The following CD8B2 variants were observed in gnomAD, a reference collection of about 807,000 sequenced individuals.
CD8B2 encodes T-cell surface glycoprotein CD8 beta-2 chain.
In CD8B2, 11 loss-of-function variants were observed where a neutral mutation model predicts 23.7. That is an observed-to-expected ratio of 0.46 (90% CI 0.29 to 0.77). CD8B2 has a LOEUF of 0.77. Ranked by LOEUF, CD8B2 falls within the 30% of genes least tolerant of loss-of-function variation. The probability of loss-of-function intolerance (pLI) is 0.09; values close to 1 mark genes in which losing one functional copy is unlikely to be tolerated. For synonymous variants in CD8B2, 90 were observed against 109.3 expected (o/e 0.82, Z 1.10); for missense variants, 197 against 270.5 (o/e 0.73, Z 1.91).
rs146896601 is a variant in CD8B2 at position 106,517,488 on chromosome 2, T to TG, written c.620+13164dup. ...CTCTCGGTTGCCTGTGGCATCTCAC[T>TG]GTCTCAGGTCACCAGACGGGAAATT... On this transcript the variant is annotated intron_variant, in intron 5 of 5. Transcript: ENST00000416057. 4.3e-3 allele frequency among the ~76,000 whole-genome samples: 656 copies of TG among 152,220 alleles called. 4 individuals carry two copies. Among genetic ancestry groups the TG allele is most frequent in the African/African-American group, 0.015 (613 of 41,530 alleles).
intron 5 of CD8B2, among the ~76,000 whole-genome samples, chr2:106,541,434 A>G (rs1419451855): frequency 6.6e-6 from 1 of 152,164 alleles, no homozygotes; most frequent in Non-Finnish European, 1.5e-5. Context: ...GTCCAGGCAC[A>G]TTATTGGCTG....
At chr2:106,495,392 C>G (rs545155241) in intron 2 of CD8B2, among the ~76,000 whole-genome samples, 3 of 151,956 alleles carry the variant, frequency 2.0e-5, no homozygotes, top group Non-Finnish European at 4.4e-5. Flanking sequence ...TGCAGTGGCA[C>G]GACGAATGCA....
At chr2:106,516,678 G>T (rs1414401781) in intron 5 of CD8B2, among the ~76,000 whole-genome samples, 3 of 152,044 alleles carry the variant, frequency 2.0e-5, no homozygotes, top group African/African-American at 7.2e-5. Context: ...TCTTTCGTAA[G>T]CCTTTGCTTT....
intron 5 of CD8B2, among the ~76,000 whole-genome samples, chr2:106,525,034 T>C (rs888439362): frequency 6.6e-6 from 1 of 152,212 alleles, no homozygotes; most frequent in African/African-American, 2.4e-5. Flanking sequence ...ACATGGGTCA[T>C]GCACAGGGCT....
chr2:106,502,809 C>T (rs1219940709), intron 4 of CD8B2, among the ~76,000 whole-genome samples: 1 of 151,822 alleles, frequency 6.6e-6, no homozygotes, highest in African/African-American at 2.4e-5. Context: ...GATCCAGTGC[C>T]CCGGTCTCTC....
At chr2:106,540,202 A>G (rs976915764) in intron 5 of CD8B2, among the ~76,000 whole-genome samples, 1 of 129,640 alleles carries the variant, frequency 7.7e-6, no homozygotes, top group Non-Finnish European at 1.6e-5. Context: ...TAAAAAAAAT[A>G]TCCAAGTATT....
At chr2:106,503,289 A>G (rs1006422293) in intron 4 of CD8B2, among the ~76,000 whole-genome samples, 3 of 152,180 alleles carry the variant, frequency 2.0e-5, no homozygotes, top group African/African-American at 7.2e-5. Flanking sequence ...CAGGTGGGAC[A>G]GCAAGGGCAT....
rs564411859 is a variant in CD8B2, at chr2:106,519,205, C to T, written c.620+14880C>T. On this transcript the variant is annotated intron_variant, in intron 5 of 5. Transcript: ENST00000416057. ...GTGACCTGATTGCTGGACTCCTCCT[C>T]AAAGGTTATCCCAGGCATTTCTGAA... Among the ~76,000 whole-genome samples, 5 of 152,314 alleles carry T rather than the reference C, an allele frequency of 3.3e-5. No individual in the cohort carries two copies. The South Asian group carries it at 1.0e-3, about 32-fold the overall frequency.
At chr2:106,529,950 A>G (rs904977630) in intron 5 of CD8B2, among the ~76,000 whole-genome samples, 2 of 152,198 alleles carry the variant, frequency 1.3e-5, no homozygotes, top group African/African-American at 4.8e-5. Context: ...GCAAAACCAC[A>G]TAAGTGGGAC....
intron 5 of CD8B2, among the ~76,000 whole-genome samples, chr2:106,520,276 G>T (rs546967598): frequency 6.6e-6 from 1 of 152,310 alleles, no homozygotes; most frequent in East Asian, 1.9e-4. Context: ...AAAACATGAG[G>T]AAACAAAGGA....
At chr2:106,536,514 G>C (rs906993232) in intron 5 of CD8B2, among the ~76,000 whole-genome samples, 1 of 152,186 alleles carries the variant, frequency 6.6e-6, no homozygotes, top group African/African-American at 2.4e-5. Flanking sequence ...TTAGATATAG[G>C]TTGGTGGGAG....
intron 5 of CD8B2, among the ~76,000 whole-genome samples, chr2:106,505,923 G>A (rs999131283): frequency 6.6e-6 from 1 of 152,216 alleles, no homozygotes; most frequent in Non-Finnish European, 1.5e-5. Flanking sequence ...CCTGAGGTCA[G>A]GAGTTTGAGA....
intron 5 of CD8B2, among the ~76,000 whole-genome samples, chr2:106,543,521 C>T (rs1472335614): frequency 6.6e-6 from 1 of 151,706 alleles, no homozygotes; most frequent in African/African-American, 2.4e-5. Context: ...CAGGGCGAGA[C>T]TCTGTCTCAA....
rs1400491213 is a variant in CD8B2, at chr2:106,496,416, G to A, written c.493+154G>A. On this transcript the variant is annotated intron_variant, in intron 3 of 5. Coordinates refer to ENST00000643224, the MANE Select transcript of CD8B2 (RefSeq NM_001349727.2). The stretch of plus-strand genomic sequence containing the variant: ...TAGGGTCAGAAAGGATGCTGAGTGT[G>A]ATAGCAACTCACAGTCTCGTGGGAG... Among the ~76,000 whole-genome samples, 14 of 151,702 alleles carry A rather than the reference G, an allele frequency of 9.2e-5. 1 individual carries two copies. In the Middle Eastern group the frequency reaches 0.017, roughly 184 times the overall value.
intron 5 of CD8B2, among the ~76,000 whole-genome samples, chr2:106,539,553 C>T (rs371163320): frequency 2.0e-4 from 30 of 152,274 alleles, no homozygotes; most frequent in East Asian, 9.7e-4. Context: ...GGGGGCCACA[C>T]GGGGCTGCAG....
intron 5 of CD8B2, among the ~76,000 whole-genome samples, chr2:106,527,744 C>T (rs1248154433): frequency 2.6e-5 from 4 of 152,216 alleles, no homozygotes; most frequent in African/African-American, 9.6e-5. Context: ...TATTGCAGCA[C>T]TGCACTCCAG....
chr2:106,533,994 G>A (rs1680048763), intron 5 of CD8B2, among the ~76,000 whole-genome samples: 1 of 152,182 alleles, frequency 6.6e-6, no homozygotes, highest in East Asian at 1.9e-4. Context: ...CTTACTATGT[G>A]GCAAGCCTCC....
intron 5 of CD8B2, chr2:106,543,349 A>C (rs1348389306): frequency 1.3e-5 from 2 of 152,122 alleles, no homozygotes; most frequent in Non-Finnish European, 2.9e-5. Flanking sequence ...CAATATAATA[A>C]GAACCCCTCT....
At chr2:106,516,368 A>T (rs1230737597) in intron 5 of CD8B2, among the ~76,000 whole-genome samples, 3 of 152,158 alleles carry the variant, frequency 2.0e-5, no homozygotes, top group Non-Finnish European at 4.4e-5. Flanking sequence ...GTTTCCGAGG[A>T]CATGACATAC....
Sources: gnomAD v4.1 joint callset for allele counts (sites outside exome capture counted in the v4.1 genomes callset) on GRCh38, gnomAD v4.1.1 for gene constraint, MANE v1.5 for transcripts, NCBI Gene and HGNC (gene_info 2026-07-23, HGNC 2026-07-21) for gene names.